ZNF618: variants seen among roughly 807,000 people sequenced by gnomAD.
The protein encoded by ZNF618 is zinc finger protein 618, also known as neural precursor cell expressed, developmentally down-regulated 10.
Under a neutral mutation model 103.0 loss-of-function variants are expected in ZNF618, and 34 were observed. The ratio of observed to expected loss-of-function variants is 0.33; its 90% CI spans 0.25 to 0.44. The LOEUF (loss-of-function observed/expected upper bound fraction) is 0.44, where lower values mean the gene tolerates loss of function less well. Among genes scored for constraint, ZNF618 ranks in the 20% least tolerant of loss-of-function variants. ZNF618 has a pLI of 1.00. For missense variants in ZNF618, 1,059 were observed against 1,295.4 expected, an observed-to-expected ratio of 0.82 and a Z score of 2.80; for synonymous variants, 551 against 542.2, an observed-to-expected ratio of 1.02 and a Z score of -0.23.
chr9:113,904,408 C>A (rs1830810654), intron 1 of ZNF618, among the ~76,000 whole-genome samples: 1 of 151,956 alleles, frequency 6.6e-6, no homozygotes, highest in African/African-American at 2.4e-5. Flanking sequence ...GTATCTCTTC[C>A]TGTTAATTTT....
intron 2 of ZNF618, among the ~76,000 whole-genome samples, chr9:113,981,608 A>T (rs962825255): frequency 6.6e-6 from 1 of 152,218 alleles, no homozygotes; most frequent in Admixed American, 6.5e-5. Context: ...CAAAGCCGCC[A>T]TACTCCCAGG....
chr9:113,903,364 A>G (rs1382624258), intron 1 of ZNF618, among the ~76,000 whole-genome samples: 2 of 152,124 alleles, frequency 1.3e-5, no homozygotes, highest in African/African-American at 4.8e-5. Flanking sequence ...TTTTTCTTAT[A>G]CATTTACAGA....
chr9:113,887,851 A>G (rs1374662224), intron 1 of ZNF618, among the ~76,000 whole-genome samples: 1 of 152,186 alleles, frequency 6.6e-6, no homozygotes, highest in East Asian at 1.9e-4. Flanking sequence ...TATTTTTTTA[A>G]TTAGGAACTT....
At chr9:113,891,028 A>AT (rs1363339532) in intron 1 of ZNF618, among the ~76,000 whole-genome samples, 1 of 151,972 alleles carries the variant, frequency 6.6e-6, no homozygotes, top group African/African-American at 2.4e-5. Flanking sequence ...TTTAGATTCC[A>AT]TTTTTTTCCC....
Position 114,049,679 on chromosome 9 carries a change from A to G in ZNF618, c.2377A>G (p.Lys793Glu). The G allele has an allele frequency of 6.2e-7, 1 of 1,613,814 alleles. No homozygotes were observed. The highest frequency in any genetic ancestry group is 8.5e-7 in the Non-Finnish European group (1 of 1,179,886). ...KLCHLFLEAL[K>E]ENFKVHPAHK... ...CTGCCACCTCTTCCTGGAGGCGCTC[A>G]AGGAGAACTTCAAGGTGCACCCGGC... The change falls in exon 15 of 15, where the codon AAG (lysine) becomes GAG (glutamate). Residue 793 changes from lysine (K) to glutamate (E), a missense_variant. This residue lies in a region of ZNF618 where 272 missense variants were observed against 380.1 expected (regional missense o/e 0.72). Coordinates refer to ENST00000374126, the MANE Select transcript of ZNF618 (RefSeq NM_001318042.2).
intron 1 of ZNF618, among the ~76,000 whole-genome samples, chr9:113,914,824 T>C (rs1300089088): frequency 6.6e-6 from 1 of 152,160 alleles, no homozygotes; most frequent in Non-Finnish European, 1.5e-5. Flanking sequence ...AATTCTGATG[T>C]CCCACCTGTT....
At chr9:113,961,524 GC>G (rs1299574492) in intron 1 of ZNF618, among the ~76,000 whole-genome samples, 6 of 152,204 alleles carry the variant, frequency 3.9e-5, no homozygotes, top group Admixed American at 3.9e-4. Flanking sequence ...GTGAGTTCCA[GC>G]TCTTTCAGGC....
intron 2 of ZNF618, among the ~76,000 whole-genome samples, chr9:113,986,564 G>A (rs778720959): frequency 1.3e-5 from 2 of 152,162 alleles, no homozygotes; most frequent in Non-Finnish European, 2.9e-5. Flanking sequence ...GTGTCCTCAC[G>A]TGGGGGAGAG....
intron 1 of ZNF618, among the ~76,000 whole-genome samples, chr9:113,935,289 C>T (rs1833937949): frequency 6.6e-6 from 1 of 152,176 alleles, no homozygotes; most frequent in Non-Finnish European, 1.5e-5. Context: ...TACATCATGG[C>T]CAGCTGCAGC....
intron 12 of ZNF618, chr9:114,035,223 C>CGA: frequency 1.0e-6 from 1 of 986,052 alleles, no homozygotes; most frequent in Non-Finnish European, 1.2e-6. Flanking sequence ...CAACCCTTTC[C>CGA]CTCTCCTACA....
chr9:113,952,299 T>G lies in ZNF618; in HGVS notation c.34-16818T>G, dbSNP rs373784372. Among the ~76,000 whole-genome samples the G allele has an allele frequency of 4.6e-4, 70 of 152,310 alleles. 2 individuals are homozygous for G. The South Asian group carries it at 0.014, about 31-fold the overall frequency. On this transcript the variant is annotated intron_variant, in intron 1 of 14. Transcript: ENST00000374126. ...TGGGATCTTCCAGAAGGATCCAGAATTGGAATATCCTGGCAAGGAATACCA... is the reference window on the plus strand; with the variant it reads ...TGGGATCTTCCAGAAGGATCCAGAAGTGGAATATCCTGGCAAGGAATACCA...
chr9:114,010,265 C>T lies in ZNF618; in HGVS notation c.754+1711C>T, dbSNP rs10817554. Among the ~76,000 whole-genome samples, 1,280 of 145,636 alleles carry T rather than the reference C, an allele frequency of 8.8e-3. 49 individuals are homozygous for T. The highest frequency in any genetic ancestry group is 0.061 in the East Asian group (302 of 4,938). ...GCATTGAGCTGAGATTGTGCCACTG[C>T]ACTCCAGCCTGGGTGACAAGAGTGA... On this transcript the variant is annotated intron_variant, in intron 9 of 14. Coordinates refer to ENST00000374126, the MANE Select transcript of ZNF618 (RefSeq NM_001318042.2).
At chr9:113,927,878 G>C in intron 1 of ZNF618, among the ~76,000 whole-genome samples, 1 of 152,134 alleles carries the variant, frequency 6.6e-6, no homozygotes. Context: ...GGAAGTTTTC[G>C]TCTTTCAAGC....
intron 1 of ZNF618, among the ~76,000 whole-genome samples, chr9:113,889,713 A>C (rs1309870639): frequency 6.6e-6 from 1 of 152,108 alleles, no homozygotes; most frequent in East Asian, 1.9e-4. Context: ...CTGACTAGCT[A>C]TCTACCTTTC....
chr9:113,961,926 G>A (rs985089729), intron 1 of ZNF618, among the ~76,000 whole-genome samples: 9 of 152,156 alleles, frequency 5.9e-5, no homozygotes, highest in African/African-American at 2.2e-4. Flanking sequence ...GGTTCCATAG[G>A]GGAAGGGCCA....
intron 1 of ZNF618, among the ~76,000 whole-genome samples, chr9:113,900,555 G>A (rs1830428746): frequency 6.6e-6 from 1 of 152,048 alleles, no homozygotes; most frequent in Non-Finnish European, 1.5e-5. Flanking sequence ...GCAGAGCTGA[G>A]GCCAGAACCC....
chr9:114,047,989 A>G lies in ZNF618; in HGVS notation c.1343A>G (p.Asn448Ser). The change falls in exon 14 of 15, where the codon AAT becomes AGT. Residue 448 changes from asparagine (N) to serine (S), a missense_variant. Asn to Ser is a conservative substitution (Grantham distance 46, BLOSUM62 1). This residue lies in a region of ZNF618 where 434 missense variants were observed against 476.0 expected (regional missense o/e 0.91). Coordinates refer to ENST00000374126, the MANE Select transcript of ZNF618 (RefSeq NM_001318042.2). Reference protein sequence around the residue: ...WKPQAQRNSANNTTTSGLTPN... With the variant: ...WKPQAQRNSASNTTTSGLTPN... ...CCTCAGGCCCAGAGGAACAGTGCCA[A>G]TAACAGTAGGTCTCCCCAAGCAGGG... 6.3e-7 allele frequency: 1 copy of G among 1,582,588 alleles called. No individual in the cohort carries two copies. The highest frequency in any genetic ancestry group is 8.6e-7 in the Non-Finnish European group (1 of 1,164,334).
intron 1 of ZNF618, among the ~76,000 whole-genome samples, chr9:113,893,647 A>G (rs1250718267): frequency 6.6e-6 from 1 of 152,114 alleles, no homozygotes; most frequent in Non-Finnish European, 1.5e-5. Flanking sequence ...AGACTACATA[A>G]TATTCACAGA....
At chr9:113,913,088 A>G (rs546473927) in intron 1 of ZNF618, among the ~76,000 whole-genome samples, 1 of 152,142 alleles carries the variant, frequency 6.6e-6, no homozygotes, top group African/African-American at 2.4e-5. Context: ...TGGAAACGGG[A>G]GAGTGAGCAG....
Sources: gnomAD v4.1 joint callset for allele counts (sites outside exome capture counted in the v4.1 genomes callset) on GRCh38, gnomAD v4.1.1 for gene constraint, gnomAD v4.1.1 regional missense constraint, MANE v1.5 for transcripts, NCBI Gene and HGNC (gene_info 2026-07-23, HGNC 2026-07-21) for gene names.